BARX2: variants seen among roughly 807,000 people sequenced by gnomAD.
The protein encoded by BARX2 is homeobox protein BarH-like 2.
In BARX2, 11 loss-of-function variants were observed where a neutral mutation model predicts 25.5. The observed-to-expected ratio is 0.43, with a 90% CI of 0.27 to 0.71. The LOEUF is 0.71. Ranked by LOEUF, BARX2 falls within the 30% of genes least tolerant of loss-of-function variation. BARX2 has a pLI of 0.19. For missense variants in BARX2, 360 were observed against 359.9 expected, an observed-to-expected ratio of 1.00 and a Z score of 0.00; for synonymous variants, 137 against 149.5, an observed-to-expected ratio of 0.92 and a Z score of 0.61.
chr11:129,451,069 C>CTGGG (rs1862392794), intron 3 of BARX2, 67 bp from the exon 4 acceptor site: 1 of 1,562,140 alleles, frequency 6.4e-7, no homozygotes, highest in Non-Finnish European at 8.7e-7. Flanking sequence ...TGAGGTTATA[C>CTGGG]TGGGAGTGGA....
intron 1 of BARX2, among the ~76,000 whole-genome samples, chr11:129,395,907 G>A (rs559526371): frequency 1.3e-5 from 2 of 152,054 alleles, no homozygotes; most frequent in African/African-American, 2.4e-5. Context: ...GAGATTGAGC[G>A]CAGTCTCCTG....
rs1248225230 is a variant in BARX2, at chr11:129,439,415, C to G, written c.488+2364C>G. Among the ~76,000 whole-genome samples the G allele has an allele frequency of 2.0e-5, 3 of 152,134 alleles. No individual in the cohort carries two copies. The South Asian group carries it at 6.2e-4, about 32-fold the overall frequency. ...TCTACATTAGGTATTTCTCCTAATG[C>G]CATCCCTCCCCTATCCTCCCCACCC... On this transcript the variant is annotated intron_variant, in intron 2 of 3. Transcript: ENST00000281437.
chr11:129,386,462 G>A (rs1025496802), intron 1 of BARX2, among the ~76,000 whole-genome samples: 2 of 152,178 alleles, frequency 1.3e-5, no homozygotes, highest in East Asian at 3.9e-4. Context: ...GTTATTATCT[G>A]TCCAAGTTCT....
intron 1 of BARX2, among the ~76,000 whole-genome samples, chr11:129,405,645 G>A (rs185731026): frequency 7.6e-4 from 116 of 152,312 alleles, no homozygotes; most frequent in Non-Finnish European, 6.2e-4. Flanking sequence ...AGAACAGAGA[G>A]TACTGACATA....
At chr11:129,397,760 T>G (rs1861737007) in intron 1 of BARX2, among the ~76,000 whole-genome samples, 1 of 152,198 alleles carries the variant, frequency 6.6e-6, no homozygotes, top group Non-Finnish European at 1.5e-5. Context: ...GTGGGTGTGC[T>G]GAGGGACACC....
intron 1 of BARX2, among the ~76,000 whole-genome samples, chr11:129,406,073 T>G (rs1406767497): frequency 6.6e-6 from 1 of 152,250 alleles, no homozygotes; most frequent in Non-Finnish European, 1.5e-5. Flanking sequence ...TGTTACCTAC[T>G]GAGCATAGCA....
intron 1 of BARX2, among the ~76,000 whole-genome samples, chr11:129,402,364 T>G (rs1861786078): frequency 6.6e-6 from 1 of 152,082 alleles, no homozygotes; most frequent in Non-Finnish European, 1.5e-5. Flanking sequence ...ATTGTTATGA[T>G]GACTAAAAGA....
chr11:129,439,655 T>C (rs1862233590), intron 2 of BARX2, among the ~76,000 whole-genome samples: 1 of 151,990 alleles, frequency 6.6e-6, no homozygotes, highest in African/African-American at 2.4e-5. Context: ...TGGGGAAAGG[T>C]TGAGTTCTGT....
chr11:129,409,124 T>C (rs1055640956), intron 1 of BARX2, among the ~76,000 whole-genome samples: 3 of 152,204 alleles, frequency 2.0e-5, no homozygotes, highest in Non-Finnish European at 2.9e-5. Flanking sequence ...TCTCTCCCTT[T>C]GCTAATTTAC....
At chr11:129,446,061 C>T (rs1265753060) in intron 3 of BARX2, among the ~76,000 whole-genome samples, 1 of 152,124 alleles carries the variant, frequency 6.6e-6, no homozygotes, top group Non-Finnish European at 1.5e-5. Flanking sequence ...GAATTCTGAC[C>T]CGTCAGCATT....
intron 2 of BARX2, 27 bp downstream of exon 2, chr11:129,437,078 G>T (rs766960865): frequency 4.6e-6 from 7 of 1,514,986 alleles, no homozygotes; most frequent in South Asian, 1.3e-5. Flanking sequence ...GGGACTCTCC[G>T]CAGTGAAGGC....
chr11:129,375,518 C>T (rs969425989), upstream of BARX2, among the ~76,000 whole-genome samples: 4 of 152,114 alleles, frequency 2.6e-5, no homozygotes, highest in Non-Finnish European at 5.9e-5. This position sits in a 1 kb window ranked among gnomAD's most constrained non-coding sequence, Gnocchi z 4.0. Context: ...GGGCCTTGGC[C>T]GCGGGCTGGG....
chr11:129,425,959 G>A (rs1407141078), intron 1 of BARX2, among the ~76,000 whole-genome samples: 2 of 145,234 alleles, frequency 1.4e-5, no homozygotes, highest in Non-Finnish European at 3.0e-5. Context: ...AATTTATTCC[G>A]TGTTTCTAAT....
chr11:129,385,167 TG>T (rs1861605663), intron 1 of BARX2, among the ~76,000 whole-genome samples: 1 of 152,098 alleles, frequency 6.6e-6, no homozygotes, highest in Non-Finnish European at 1.5e-5. Flanking sequence ...GACAAGGAGA[TG>T]GAGCAACAGG....
rs1013656945 is a variant in BARX2 at position 129,424,571 on chromosome 11, C to T, written c.188-12180C>T. ...GCTCACCCTGTCACCAGGCACTGTA[C>T]TCTCTAGAATTCCTACACTTCCTAC... is the stretch of plus-strand genomic sequence containing the variant. On this transcript the variant is annotated intron_variant, in intron 1 of 3. Transcript: ENST00000281437. 1.5e-4 allele frequency among the ~76,000 whole-genome samples: 23 copies of T among 152,062 alleles called. 1 individual carries two copies. Among genetic ancestry groups the T allele is most frequent in the Admixed American group, 1.3e-3 (20 of 15,254 alleles).
chr11:129,448,042 G>A (rs946250266), intron 3 of BARX2, among the ~76,000 whole-genome samples: 2 of 152,208 alleles, frequency 1.3e-5, no homozygotes, highest in African/African-American at 4.8e-5. Flanking sequence ...ATATCTGTGT[G>A]TTAGCTGTTG....
Position 129,452,180 on chromosome 11 carries a change from C to T in BARX2, c.*778C>T, listed in dbSNP as rs547648063. Reference sequence around the variant, plus strand: ...GATTTTTCATAAAAAACATTTGTGACCTTCGGCATAAATGGGTTAAGGTGC... The same window carrying T: ...GATTTTTCATAAAAAACATTTGTGATCTTCGGCATAAATGGGTTAAGGTGC... On this transcript the variant is annotated 3_prime_UTR_variant, in exon 4 of 4. Coordinates refer to ENST00000281437, the MANE Select transcript of BARX2 (RefSeq NM_003658.5). The T allele has an allele frequency of 3.3e-5, 5 of 152,168 alleles. No individual in the cohort carries two copies. Among genetic ancestry groups the T allele is most frequent in the South Asian group, 4.2e-4 (2 of 4,798 alleles). 9.4% of individuals were successfully genotyped at this position (152,168 alleles called of 1,614,324 possible). A position where few individuals can be genotyped will look rare whatever the true frequency, so the allele number is the denominator to read the frequency against.
At chr11:129,439,808 A>G (rs545949152) in intron 2 of BARX2, among the ~76,000 whole-genome samples, 64 of 152,258 alleles carry the variant, frequency 4.2e-4, no homozygotes, top group African/African-American at 1.5e-3. Flanking sequence ...GAACTTGTGC[A>G]CCCAGTGGAG....
chr11:129,375,351 G>A (rs1053117586), upstream of BARX2, among the ~76,000 whole-genome samples: 1 of 152,204 alleles, frequency 6.6e-6, no homozygotes, highest in African/African-American at 2.4e-5. The surrounding 1 kb of genome is among the most constrained non-coding windows in gnomAD (Gnocchi z 4.0). Context: ...TCTGTGGCCC[G>A]AAGTCCCGGG....
Sources: gnomAD v4.1 joint callset for allele counts (sites outside exome capture counted in the v4.1 genomes callset) on GRCh38, gnomAD v4.1.1 for gene constraint, Gnocchi (gnomAD v3.1) non-coding constraint, MANE v1.5 for transcripts, NCBI Gene and HGNC (gene_info 2026-07-23, HGNC 2026-07-21) for gene names.